Variants in PRR27 observed in about 807,000 individuals in gnomAD.
PRR27 encodes proline rich 27.
PRR27 carries 12 observed loss-of-function variants against 16.8 expected under a neutral mutation model. That is an observed-to-expected ratio of 0.71 (90% confidence interval 0.46 to 1.16). PRR27 has a LOEUF of 1.16. Ranked by LOEUF, PRR27 falls within the 50% of genes most tolerant of loss-of-function variation. PRR27 has a pLI of 0.00. For synonymous variants in PRR27, 100 were observed against 98.4 expected, an observed-to-expected ratio of 1.02 and a Z score of -0.10; for missense variants, 277 against 273.3, an observed-to-expected ratio of 1.01 and a Z score of -0.10.
At position 70,156,042 on chromosome 4, in the gene PRR27, T is replaced by C. The variant is rs1385091311; in HGVS notation, c.52-12T>C. On this transcript the variant is annotated splice_polypyrimidine_tract_variant and intron_variant, in intron 1 of 4. Coordinates refer to ENST00000344526, the MANE Select transcript of PRR27 (RefSeq NM_214711.4). ...ACATAACCGCATTAAAATATATTTT[T>C]CTTTATTTTAGAGACGGTTCCCCTT... 2 of 1,414,130 alleles carry C rather than the reference T, an allele frequency of 1.4e-6. No individual in the cohort carries two copies. The highest frequency in any genetic ancestry group is 1.9e-6 in the Non-Finnish European group (2 of 1,049,914). The allele number at this position is 1,414,130 out of a possible 1,614,324, so 87.6% of individuals were successfully genotyped here.
At chr4:70,159,010 C>T in intron 3 of PRR27, 110 bp downstream of exon 3, 1 of 934,712 alleles carries the variant, frequency 1.1e-6, no homozygotes, top group Non-Finnish European at 1.6e-6. Context: ...ATATTTTGAA[C>T]AGCTTTATTC....
intron 2 of PRR27, 101 bp downstream of exon 2, chr4:70,156,178 A>G (rs1016491392): frequency 1.8e-6 from 1 of 553,484 alleles, no homozygotes; most frequent in Non-Finnish European, 3.1e-6. Flanking sequence ...AAACTTAATG[A>G]CTGCTATTGC....
intron 2 of PRR27, among the ~76,000 whole-genome samples, chr4:70,156,872 A>G: frequency 6.6e-6 from 1 of 151,814 alleles, no homozygotes; most frequent in Middle Eastern, 3.4e-3. Context: ...ATTATTTTGA[A>G]TTTTTTTTTG....
rs1384244388 is a variant in PRR27 at position 70,158,630 on chromosome 4, C to G, written c.378C>G (p.Ala126=). 6.2e-6 allele frequency: 10 copies of G among 1,613,984 alleles called. No homozygotes were observed. In the Admixed American group the frequency reaches 1.0e-4, roughly 16 times the overall value. ...TTTCAGCAGCTGCAGCACCCGCTGC[C>G]CCACCTATTGCAGCTGAGCCTGCTG... The part of the protein sequence containing the change: ...RFFSAAAAPA[A]PPIAAEPAAA... The change falls in exon 3 of 5, where the codon GCC becomes GCG. Residue 126 remains alanine (A), a synonymous_variant. Transcript: ENST00000344526.
chr4:70,154,343 T>C lies in PRR27; in HGVS notation c.-33T>C. The stretch of plus-strand genomic sequence containing the variant: ...ATTGCGTATTTTCTAAAACAATAAA[T>C]TTATAGTGTTAATATTCATAGGGTC... On this transcript the variant is annotated 5_prime_UTR_variant, in exon 1 of 5. Coordinates refer to ENST00000344526, the MANE Select transcript of PRR27 (RefSeq NM_214711.4). The C allele has an allele frequency of 6.6e-7, 1 of 1,522,626 alleles. No homozygotes were observed. The highest frequency in any genetic ancestry group is 1.1e-5 in the South Asian group (1 of 87,632). 94.3% of individuals were successfully genotyped at this position (1,522,626 alleles called of 1,614,324 possible).
rs780419491 is a variant in PRR27, at chr4:70,158,600, GT to G, written c.355del (p.Ser119GlnfsTer26). On this transcript the variant is annotated frameshift_variant, in exon 3 of 5. Transcript: ENST00000344526. LOFTEE classifies it high-confidence loss of function. The part of the protein sequence containing the change: ...RGFPFVPPSR[F>X]FSAAAAPAAP... ...GTTTCCCGTTTGTCCCTCCTTCAAG[GT>G]TTTTTTCAGCAGCTGCAGCACCCGC... The G allele has an allele frequency of 1.4e-5, 23 of 1,613,862 alleles. No homozygotes were observed. In the African/African-American group the frequency reaches 2.1e-4, roughly 15 times the overall value.
chr4:70,163,980 G>A lies in PRR27; in HGVS notation c.*1319G>A, dbSNP rs919174615. On this transcript the variant is annotated 3_prime_UTR_variant, in exon 5 of 5. Coordinates refer to ENST00000344526, the MANE Select transcript of PRR27 (RefSeq NM_214711.4). ...AATGACTAACTGCTTTTCTACTTCG[G>A]GGGTCTCATATAGAAATCCTGCTTC... 2.0e-5 allele frequency: 3 copies of A among 151,560 alleles called. No homozygotes were observed. Among genetic ancestry groups the A allele is most frequent in the Admixed American group, 6.6e-5 (1 of 15,218 alleles). 9.4% of individuals were successfully genotyped at this position (151,560 alleles called of 1,614,324 possible).
rs1297669907 is a variant in PRR27 at position 70,165,458 on chromosome 4, C to T, written c.*2797C>T. The T allele has an allele frequency of 3.3e-5, 5 of 152,006 alleles. No homozygotes were observed. The highest frequency in any genetic ancestry group is 1.2e-4 in the African/African-American group (5 of 41,414). The allele number at this position is 152,006 out of a possible 1,614,324, so 9.4% of individuals were successfully genotyped here. A position where few individuals can be genotyped will look rare whatever the true frequency, so the allele number is the denominator to read the frequency against. ...TGTTTAATGTCGCTTTATGAATCCA[C>T]CTTCTTCCTTATCTGTAGAGTTAAA... On this transcript the variant is annotated 3_prime_UTR_variant, in exon 5 of 5. Transcript: ENST00000344526.
intron 2 of PRR27, among the ~76,000 whole-genome samples, chr4:70,157,281 G>C (rs1242695935): frequency 6.6e-6 from 1 of 151,900 alleles, no homozygotes; most frequent in African/African-American, 2.4e-5. Flanking sequence ...CTGTTTTCCA[G>C]TATGTAGGAT....
chr4:70,154,753 G>C, intron 1 of PRR27: 1 of 1,332,558 alleles, frequency 7.5e-7, no homozygotes, highest in Non-Finnish European at 9.8e-7. Context: ...TAGAATGCTG[G>C]ATTGGGCTTC....
Position 70,158,648 on chromosome 4 carries a change from G to A in PRR27, c.396G>A (p.Glu132=). The change falls in exon 3 of 5, where the codon GAG becomes GAA. Residue 132 remains glutamate (E), a synonymous_variant. Coordinates refer to ENST00000344526, the MANE Select transcript of PRR27 (RefSeq NM_214711.4). ...AAPAAPPIAA[E]PAAAAPLTAT... ...CCGCTGCCCCACCTATTGCAGCTGAGCCTGCTGCAGCTGCACCTCTTACAG... is the reference window on the plus strand; with the variant it reads ...CCGCTGCCCCACCTATTGCAGCTGAACCTGCTGCAGCTGCACCTCTTACAG... 7 of 1,613,926 alleles carry A rather than the reference G, an allele frequency of 4.3e-6. No homozygotes were observed. The highest frequency in any genetic ancestry group is 5.9e-6 in the Non-Finnish European group (7 of 1,179,962).
chr4:70,158,268 A>G, intron 2 of PRR27, 60 bp from the exon 3 acceptor site: 9 of 1,022,822 alleles, frequency 8.8e-6, no homozygotes, highest in Non-Finnish European at 1.2e-5. Context: ...CAGTTGTACC[A>G]TAAGTAATAT....
At position 70,163,289 on chromosome 4, in the gene PRR27, C is replaced by T. The variant is rs962113978; in HGVS notation, c.*628C>T. ...TAGCCAACTCTAGCTATTGTCATCC[C>T]TAACAGAAATGGAGGAATAGCCTCT... On this transcript the variant is annotated 3_prime_UTR_variant, in exon 5 of 5. Coordinates refer to ENST00000344526, the MANE Select transcript of PRR27 (RefSeq NM_214711.4). 2.6e-5 allele frequency: 4 copies of T among 151,426 alleles called. No homozygotes were observed. The highest frequency in any genetic ancestry group is 9.7e-5 in the African/African-American group (4 of 41,228). 9.4% of individuals were successfully genotyped at this position (151,426 alleles called of 1,614,324 possible). A position where few individuals can be genotyped will look rare whatever the true frequency, so the allele number is the denominator to read the frequency against.
chr4:70,157,091 A>G (rs1208004625), intron 2 of PRR27, among the ~76,000 whole-genome samples: 3 of 152,148 alleles, frequency 2.0e-5, no homozygotes, highest in Non-Finnish European at 4.4e-5. Flanking sequence ...ACCTGGGGAC[A>G]TATATTACTT....
Position 70,165,253 on chromosome 4 carries a change from A to G in PRR27, c.*2592A>G, listed in dbSNP as rs747110395. 3 of 152,128 alleles carry G rather than the reference A, an allele frequency of 2.0e-5. No individual in the cohort carries two copies. The highest frequency in any genetic ancestry group is 4.4e-5 in the Non-Finnish European group (3 of 67,960). The allele number at this position is 152,128 out of a possible 1,614,324, so 9.4% of individuals were successfully genotyped here. A position where few individuals can be genotyped will look rare whatever the true frequency, so the allele number is the denominator to read the frequency against. On this transcript the variant is annotated 3_prime_UTR_variant, in exon 5 of 5. Transcript: ENST00000344526. Reference sequence around the variant, plus strand: ...TGTCTTCCATTTATTGCATTCAATTAGTCAAAAATGTTGTTAATTATACAT... The same window carrying G: ...TGTCTTCCATTTATTGCATTCAATTGGTCAAAAATGTTGTTAATTATACAT...
rs1438703196 is a variant in PRR27 at position 70,158,716 on chromosome 4, C to G, written c.464C>G (p.Ala155Gly). The G allele has an allele frequency of 6.3e-7, 1 of 1,581,414 alleles. No individual in the cohort carries two copies. The highest frequency in any genetic ancestry group is 8.7e-7 in the Non-Finnish European group (1 of 1,155,582). Residue 155 changes from alanine to glycine, a missense_variant, in exon 3 of 5, where the codon GCA (alanine) becomes GGA (glycine). By Grantham distance (60) the Ala-to-Gly change is moderately conservative. Coordinates refer to ENST00000344526, the MANE Select transcript of PRR27 (RefSeq NM_214711.4). ...GAGCCTGCTGCAGGGGCCCCTGTTG[C>G]AGCTGAGCCTGCTGCAGAGGCACCT... The part of the protein sequence containing the change: ...AAEPAAGAPV[A>G]AEPAAEAPVG...
chr4:70,163,330 T>C lies in PRR27; in HGVS notation c.*669T>C, dbSNP rs75390709. ...AATAGCCTCTTTTTTTTTTTTTTTT[T>C]TTGAGACGAAGTCTCACACTGTTGC... On this transcript the variant is annotated 3_prime_UTR_variant, in exon 5 of 5. Coordinates refer to ENST00000344526, the MANE Select transcript of PRR27 (RefSeq NM_214711.4). 6.6e-6 allele frequency: 1 copy of C among 151,314 alleles called. No individual in the cohort carries two copies. Among genetic ancestry groups the C allele is most frequent in the Admixed American group, 6.6e-5 (1 of 15,172 alleles). The allele number at this position is 151,314 out of a possible 1,614,324, so 9.4% of individuals were successfully genotyped here. A position where few individuals can be genotyped will look rare whatever the true frequency, so the allele number is the denominator to read the frequency against.
intron 3 of PRR27, among the ~76,000 whole-genome samples, chr4:70,160,811 T>G (rs1046992402): frequency 3.3e-5 from 5 of 151,766 alleles, no homozygotes; most frequent in Admixed American, 6.6e-5. Flanking sequence ...GGAATTAGGC[T>G]ATTTTACCAA....
intron 1 of PRR27, 126 bp downstream of exon 1, chr4:70,154,552 A>G: frequency 1.1e-6 from 1 of 892,832 alleles, no homozygotes; most frequent in Non-Finnish European, 1.8e-6. Context: ...ATAGATGGAC[A>G]TGAGATTTGT....
Sources: gnomAD v4.1 joint callset for allele counts (sites outside exome capture counted in the v4.1 genomes callset) on GRCh38, gnomAD v4.1.1 for gene constraint, MANE v1.5 for transcripts, NCBI Gene and HGNC (gene_info 2026-07-23, HGNC 2026-07-21) for gene names.